The following SPAG16 variants were observed in gnomAD, a reference collection of about 807,000 sequenced individuals.
SPAG16 encodes the protein sperm-associated antigen 16 protein.
In SPAG16, 86 loss-of-function variants were observed where a neutral mutation model predicts 80.4. The ratio of observed to expected loss-of-function variants is 1.07; its 90% CI spans 0.90 to 1.28. SPAG16 has a LOEUF of 1.28. Ranked by LOEUF, SPAG16 falls within the 50% of genes most tolerant of loss-of-function variation. The pLI, the probability that SPAG16 is intolerant of heterozygous loss-of-function variation, is 0.00. For synonymous variants in SPAG16, 294 were observed against 265.9 expected, an observed-to-expected ratio of 1.11 and a Z score of -1.03; for missense variants, 870 against 765.3, an observed-to-expected ratio of 1.14 and a Z score of -1.61.
chr2:213,956,752 T>TA (rs2044163414), intron 12 of SPAG16, among the ~76,000 whole-genome samples: 1 of 152,018 alleles, frequency 6.6e-6, no homozygotes, highest in African/African-American at 2.4e-5. Context: ...CGCCTGGACT[T>TA]ACTTGATTTT....
At chr2:213,868,349 G>GT (rs71945400) in intron 11 of SPAG16, among the ~76,000 whole-genome samples, 4 of 151,686 alleles carry the variant, frequency 2.6e-5, no homozygotes, top group African/African-American at 7.3e-5. Context: ...TTTTTGATTT[G>GT]TTTTTTTGCA....
chr2:213,500,931 G>C (rs1056943578), intron 10 of SPAG16, among the ~76,000 whole-genome samples: 1 of 152,236 alleles, frequency 6.6e-6, no homozygotes, highest in Non-Finnish European at 1.5e-5. Flanking sequence ...TGTAGGTCAT[G>C]AGTAATGAGA....
chr2:213,859,178 C>CAAAAAAAAAAAAAAAAAAAAAA lies in SPAG16; in HGVS notation c.1071-3290_1071-3269dup, dbSNP rs1165853142. 1.5e-3 allele frequency among the ~76,000 whole-genome samples: 14 copies of CAAAAAAAAAAAAAAAAAAAAAA among 9,378 alleles called. 7 individuals are homozygous for CAAAAAAAAAAAAAAAAAAAAAA. Among genetic ancestry groups the CAAAAAAAAAAAAAAAAAAAAAA allele is most frequent in the Non-Finnish European group, 2.5e-3 (14 of 5,530 alleles). The allele number at this position is 9,378 out of a possible 152,430, so 6.2% of individuals were successfully genotyped here. A position where few individuals can be genotyped will look rare whatever the true frequency, so the allele number is the denominator to read the frequency against. The stretch of plus-strand genomic sequence containing the variant: ...TGGGCAACAGAGCGACACTCCGTCT[C>CAAAAAAAAAAAAAAAAAAAAAA]AAAAAAAAAAAAAAAAAAAAAAAAA... On this transcript the variant is annotated intron_variant, in intron 10 of 15. Coordinates refer to ENST00000331683, the MANE Select transcript of SPAG16 (RefSeq NM_024532.5).
At chr2:214,397,742 A>G (rs566547071) in intron 15 of SPAG16, among the ~76,000 whole-genome samples, 118 of 152,338 alleles carry the variant, frequency 7.7e-4, no homozygotes, top group African/African-American at 2.6e-3. Context: ...AGACAATAGA[A>G]GGTAAAGCAC....
At chr2:214,119,289 T>C (rs1378031477) in intron 14 of SPAG16, among the ~76,000 whole-genome samples, 3 of 152,140 alleles carry the variant, frequency 2.0e-5, no homozygotes, top group Admixed American at 1.3e-4. Context: ...TGGAAGTAGA[T>C]ATTTATTTTA....
intron 13 of SPAG16, among the ~76,000 whole-genome samples, chr2:214,036,352 C>T (rs2048698180): frequency 6.6e-6 from 1 of 152,118 alleles, no homozygotes; most frequent in Admixed American, 6.5e-5. Context: ...TGGAGTCAGC[C>T]ATTTCTTCAA....
At position 213,405,077 on chromosome 2, in the gene SPAG16, G is replaced by A. The variant is rs566414819; in HGVS notation, c.942+29958G>A. ...TTATTTTGTCCATAAGCTAGTAATC[G>A]TAAACACATGCTTTACTTTTTCACT... On this transcript the variant is annotated intron_variant, in intron 9 of 15. Coordinates refer to ENST00000331683, the MANE Select transcript of SPAG16 (RefSeq NM_024532.5). Among the ~76,000 whole-genome samples, 13 of 152,160 alleles carry A rather than the reference G, an allele frequency of 8.5e-5. No homozygotes were observed. The South Asian group carries it at 1.7e-3, about 19-fold the overall frequency.
At chr2:214,034,198 A>C (rs1002869884) in intron 13 of SPAG16, among the ~76,000 whole-genome samples, 2 of 152,260 alleles carry the variant, frequency 1.3e-5, no homozygotes, top group African/African-American at 4.8e-5. Flanking sequence ...ATTTTATATC[A>C]GGAGGCACAT....
At chr2:213,440,804 C>A (rs972661442) in intron 9 of SPAG16, among the ~76,000 whole-genome samples, 1 of 152,072 alleles carries the variant, frequency 6.6e-6, no homozygotes, top group Non-Finnish European at 1.5e-5. Context: ...CATATCTAAA[C>A]ATGAAAGGTA....
At chr2:214,329,433 C>T (rs1696732564) in intron 15 of SPAG16, among the ~76,000 whole-genome samples, 1 of 152,140 alleles carries the variant, frequency 6.6e-6, no homozygotes, top group South Asian at 2.1e-4. Flanking sequence ...GAATAGATAA[C>T]ATAGAATCAA....
At chr2:213,856,474 G>T (rs1482854349) in intron 10 of SPAG16, among the ~76,000 whole-genome samples, 3 of 152,184 alleles carry the variant, frequency 2.0e-5, no homozygotes, top group African/African-American at 4.8e-5. Flanking sequence ...GACTGTTTGT[G>T]GGGGCTCCAA....
chr2:214,006,639 G>C (rs192364989), intron 12 of SPAG16, among the ~76,000 whole-genome samples: 2 of 152,308 alleles, frequency 1.3e-5, no homozygotes, highest in Admixed American at 1.3e-4. Flanking sequence ...TTTATGTTTT[G>C]ATGGAAATGT....
intron 4 of SPAG16, among the ~76,000 whole-genome samples, chr2:213,311,735 T>C (rs1023976336): frequency 4.0e-5 from 6 of 151,618 alleles, no homozygotes; most frequent in African/African-American, 9.7e-5. Context: ...TTTTTTATTT[T>C]GATTAGAAAA....
chr2:214,091,352 A>T (rs557321633), intron 13 of SPAG16, among the ~76,000 whole-genome samples: 1 of 152,146 alleles, frequency 6.6e-6, no homozygotes, highest in Non-Finnish European at 1.5e-5. Flanking sequence ...ATATTTAGCA[A>T]CTTACCAAGC....
chr2:213,423,203 T>C (rs2069705504), intron 9 of SPAG16, among the ~76,000 whole-genome samples: 1 of 152,228 alleles, frequency 6.6e-6, no homozygotes, highest in African/African-American at 2.4e-5. Flanking sequence ...ATTCTTGCTA[T>C]CTAAAACCTG....
intron 9 of SPAG16, among the ~76,000 whole-genome samples, chr2:213,402,698 T>C (rs1288708537): frequency 6.6e-6 from 1 of 152,152 alleles, no homozygotes; most frequent in Non-Finnish European, 1.5e-5. Context: ...GTCCTTGCGA[T>C]AGTTTACAGA....
chr2:213,550,327 T>C (rs1156603633), intron 10 of SPAG16, among the ~76,000 whole-genome samples: 1 of 152,038 alleles, frequency 6.6e-6, no homozygotes, highest in Non-Finnish European at 1.5e-5. Flanking sequence ...CTTTCTATTA[T>C]AGTCTGACCA....
chr2:214,346,708 G>A lies in SPAG16; in HGVS notation c.1721-63432G>A, dbSNP rs116097165. On this transcript the variant is annotated intron_variant, in intron 15 of 15. Transcript: ENST00000331683. ...CCACAAGGTACAAAGCTCAATTCCC[G>A]TGAGACTACAATTTTAAAGGGGCCA... Among the ~76,000 whole-genome samples, 1,247 of 152,196 alleles carry A rather than the reference G, an allele frequency of 8.2e-3. 21 individuals carry two copies. The highest frequency in any genetic ancestry group is 0.029 in the African/African-American group (1,185 of 41,510).
rs2050254638 is a variant in SPAG16 at position 214,061,509 on chromosome 2, T to C, written c.1528-46687T>C. On this transcript the variant is annotated intron_variant, in intron 13 of 15. Coordinates refer to ENST00000331683, the MANE Select transcript of SPAG16 (RefSeq NM_024532.5). Reference sequence around the variant, plus strand: ...GGCTGGAGACTCACAGAAGGGTTGATATTGCAGTTCAAGTCTGAAGGCAGT... The same window carrying C: ...GGCTGGAGACTCACAGAAGGGTTGACATTGCAGTTCAAGTCTGAAGGCAGT... 5.3e-5 allele frequency among the ~76,000 whole-genome samples: 8 copies of C among 152,296 alleles called. No homozygotes were observed. The South Asian group carries it at 1.2e-3, about 24-fold the overall frequency.
Sources: gnomAD v4.1 joint callset for allele counts (sites outside exome capture counted in the v4.1 genomes callset) on GRCh38, gnomAD v4.1.1 for gene constraint, MANE v1.5 for transcripts, NCBI Gene and HGNC (gene_info 2026-07-23, HGNC 2026-07-21) for gene names.